Variants in FBXO25 observed in about 807,000 individuals in gnomAD.
FBXO25 encodes the protein F-box only protein 25.
A neutral mutation model predicts 51.9 loss-of-function variants in FBXO25; 45 were observed. The observed-to-expected ratio is 0.87, with a 90% CI of 0.68 to 1.11. The LOEUF (loss-of-function observed/expected upper bound fraction) is 1.11, where lower values mean the gene tolerates loss of function less well. FBXO25 is among the 50% of genes most tolerant of loss of function. FBXO25 has a pLI of 0.00. For missense variants in FBXO25, 507 were observed against 428.5 expected (o/e 1.18, Z -1.62); for synonymous variants, 199 against 151.0 (o/e 1.32, Z -2.33).
At chr8:449,166 C>G (rs1004351952) in intron 5 of FBXO25, among the ~76,000 whole-genome samples, 5 of 151,950 alleles carry the variant, frequency 3.3e-5, no homozygotes, top group Admixed American at 6.6e-5. Context: ...CAGAGATTTA[C>G]AAAAGTTGAA....
At position 432,828 on chromosome 8, in the gene FBXO25, A is replaced by T. The variant is rs1797893397; in HGVS notation, c.239-58A>T. The T allele has an allele frequency of 4.1e-6, 6 of 1,473,260 alleles. No homozygotes were observed. In the South Asian group the frequency reaches 8.0e-5, roughly 20 times the overall value. The allele number at this position is 1,473,260 out of a possible 1,614,324, so 91.3% of individuals were successfully genotyped here. The stretch of plus-strand genomic sequence containing the variant: ...TGTCCAATTATTTAAATTCCTTTAA[A>T]ATCTTCATTTTGAAATGATTTGCCA... On this transcript the variant is annotated intron_variant, in intron 3 of 9. Coordinates refer to ENST00000350302, the MANE Select transcript of FBXO25 (RefSeq NM_183420.2).
intron 9 of FBXO25, chr8:467,956 C>CTG (rs1800292856): frequency 7.1e-7 from 1 of 1,405,924 alleles, no homozygotes; most frequent in African/African-American, 1.4e-5. Flanking sequence ...TGCAGAACAA[C>CTG]ACCTGAGTGC....
At chr8:440,970 C>G (rs994832548) in intron 5 of FBXO25, among the ~76,000 whole-genome samples, 1 of 147,080 alleles carries the variant, frequency 6.8e-6, no homozygotes, top group Non-Finnish European at 1.5e-5. Flanking sequence ...GCCACATTTC[C>G]TTTATCCAGT....
chr8:425,321 A>G (rs1230550913), intron 2 of FBXO25, among the ~76,000 whole-genome samples: 2 of 151,796 alleles, frequency 1.3e-5, no homozygotes, highest in Admixed American at 6.6e-5. Flanking sequence ...CTTTTAATCT[A>G]CACATTTTTC....
At chr8:449,256 A>G (rs1271942988) in intron 5 of FBXO25, among the ~76,000 whole-genome samples, 1 of 152,238 alleles carries the variant, frequency 6.6e-6, no homozygotes, top group Non-Finnish European at 1.5e-5. Context: ...GCAGCAGCCC[A>G]CTTTTTCCTG....
At chr8:416,489 A>T (rs1281112192) in intron 2 of FBXO25, among the ~76,000 whole-genome samples, 1 of 152,214 alleles carries the variant, frequency 6.6e-6, no homozygotes, top group Admixed American at 6.5e-5. Flanking sequence ...GGAACAGTTA[A>T]GTGTGTTGCC....
At chr8:463,835 A>G (rs1228581482) in intron 9 of FBXO25, among the ~76,000 whole-genome samples, 3 of 152,116 alleles carry the variant, frequency 2.0e-5, no homozygotes, top group African/African-American at 4.8e-5. Context: ...CTTTTTTGAA[A>G]TAGGGTCTCG....
intron 2 of FBXO25, among the ~76,000 whole-genome samples, chr8:421,236 G>T (rs965971125): frequency 1.3e-5 from 2 of 152,216 alleles, no homozygotes; most frequent in African/African-American, 4.8e-5. Flanking sequence ...AATGCCTGAT[G>T]ATCTGAGGTG....
At chr8:427,518 C>T (rs370564893) in intron 2 of FBXO25, among the ~76,000 whole-genome samples, 4 of 150,160 alleles carry the variant, frequency 2.7e-5, no homozygotes, top group Non-Finnish European at 5.9e-5. Context: ...AAGATAGATA[C>T]TTTTATTCAT....
intron 5 of FBXO25, among the ~76,000 whole-genome samples, chr8:438,658 G>A (rs561341048): frequency 2.0e-5 from 3 of 152,318 alleles, no homozygotes; most frequent in Admixed American, 2.0e-4. Flanking sequence ...GGCAGGAGGA[G>A]CCCATCAGTG....
rs901470691 is a variant in FBXO25, at chr8:475,004, G to T, written c.*6200G>T. On this transcript the variant is annotated 3_prime_UTR_variant, in exon 10 of 10. Coordinates refer to ENST00000350302, the MANE Select transcript of FBXO25 (RefSeq NM_183420.2). ...TTGTTTCTTTCTTTTAGTTACCTGTGTGTGCCTCTGGTGTCATATCTAAGA... is the reference window on the plus strand; with the variant it reads ...TTGTTTCTTTCTTTTAGTTACCTGTTTGTGCCTCTGGTGTCATATCTAAGA... The T allele has an allele frequency of 2.5e-6, 1 of 400,830 alleles. No individual in the cohort carries two copies. Among genetic ancestry groups the T allele is most frequent in the African/African-American group, 2.1e-5 (1 of 47,740 alleles). The allele number at this position is 400,830 out of a possible 1,614,324, so 24.8% of individuals were successfully genotyped here.
In FBXO25 at chr8:477,927, G is replaced by T. The variant is rs751870893; in HGVS notation, c.*9123G>T. 6.6e-6 allele frequency: 1 copy of T among 151,936 alleles called. No homozygotes were observed. Among genetic ancestry groups the T allele is most frequent in the Non-Finnish European group, 1.5e-5 (1 of 67,992 alleles). 9.4% of individuals were successfully genotyped at this position (151,936 alleles called of 1,614,324 possible). On this transcript the variant is annotated 3_prime_UTR_variant, in exon 10 of 10. Coordinates refer to ENST00000350302, the MANE Select transcript of FBXO25 (RefSeq NM_183420.2). ...ACTTGCCAACCTGATTTATACTTTT[G>T]TATCTATTTGACATTTTCCATTAAA...
intron 3 of FBXO25, 55 bp from the exon 4 acceptor site, chr8:432,831 C>T: frequency 6.8e-7 from 1 of 1,475,896 alleles, no homozygotes; most frequent in African/African-American, 1.4e-5. Flanking sequence ...CCTTTAAAAT[C>T]TTCATTTTGA....
chr8:441,220 C>T lies in FBXO25; in HGVS notation c.381+5513C>T, dbSNP rs1798406959. Among the ~76,000 whole-genome samples, 5 of 152,320 alleles carry T rather than the reference C, an allele frequency of 3.3e-5. No homozygotes were observed. The South Asian group carries it at 1.0e-3, about 32-fold the overall frequency. On this transcript the variant is annotated intron_variant, in intron 5 of 9. Transcript: ENST00000350302. ...CCTCAGAAATAACGCCACACGTCTACAACCATCTGATCTTTCACAAACCTG... is the reference window on the plus strand; with the variant it reads ...CCTCAGAAATAACGCCACACGTCTATAACCATCTGATCTTTCACAAACCTG...
At chr8:417,888 C>G (rs574187739) in intron 2 of FBXO25, among the ~76,000 whole-genome samples, 3 of 152,342 alleles carry the variant, frequency 2.0e-5, no homozygotes, top group East Asian at 1.9e-4. Context: ...CTGTGAATAT[C>G]TCTTTGCATA....
intron 5 of FBXO25, among the ~76,000 whole-genome samples, chr8:449,700 C>G (rs1182470552): frequency 8.5e-5 from 13 of 152,202 alleles, no homozygotes; most frequent in Admixed American, 2.0e-4. Flanking sequence ...CCATTTCAGA[C>G]TCTTGCAGCC....
rs141539180 is a variant in FBXO25, at chr8:412,686, T to G, written c.-7-387T>G. On this transcript the variant is annotated intron_variant, in intron 1 of 9. Transcript: ENST00000350302. Reference sequence around the variant, plus strand: ...TAAGCTTCAACCAAACTGAACTACTTAGAGTTGCTGAACATGAATACATTT... The same window carrying G: ...TAAGCTTCAACCAAACTGAACTACTGAGAGTTGCTGAACATGAATACATTT... Among the ~76,000 whole-genome samples the G allele has an allele frequency of 7.5e-3, 1,146 of 152,330 alleles. 3 individuals carry two copies. The highest frequency in any genetic ancestry group is 0.01 in the Non-Finnish European group (701 of 68,020).
chr8:428,751 G>T (rs958106539), intron 2 of FBXO25, among the ~76,000 whole-genome samples: 4 of 152,144 alleles, frequency 2.6e-5, no homozygotes, highest in African/African-American at 7.2e-5. Context: ...CTGTTTGTAT[G>T]ATTTGACTTT....
chr8:433,272 G>C (rs2117632245), intron 4 of FBXO25, among the ~76,000 whole-genome samples: 1 of 146,308 alleles, frequency 6.8e-6, no homozygotes, highest in East Asian at 1.9e-4. Flanking sequence ...TATGGTGTGT[G>C]GTGGCATGTG....
Sources: allele counts gnomAD v4.1 joint callset (sites outside exome capture counted in the v4.1 genomes callset), GRCh38; gene constraint gnomAD v4.1.1; transcripts MANE v1.5; gene names NCBI Gene and HGNC (gene_info 2026-07-23, HGNC 2026-07-21).